RPH3AL: variants seen among roughly 807,000 people sequenced by gnomAD.
The protein encoded by RPH3AL is rab effector Noc2.
RPH3AL carries 38 observed loss-of-function variants against 43.1 expected under a neutral mutation model. The observed-to-expected ratio is 0.88, with a 90% CI of 0.68 to 1.15. RPH3AL has a LOEUF of 1.15. RPH3AL is among the 50% of genes most tolerant of loss of function. The pLI is 0.00. For synonymous variants in RPH3AL, 189 were observed against 176.3 expected, an observed-to-expected ratio of 1.07 and a Z score of -0.57; for missense variants, 462 against 423.2, an observed-to-expected ratio of 1.09 and a Z score of -0.81.
At chr17:305,914 G>T (rs1598057596) in intron 5 of RPH3AL, among the ~76,000 whole-genome samples, 1 of 140,132 alleles carries the variant, frequency 7.1e-6, no homozygotes, top group African/African-American at 2.7e-5. Context: ...GCACAATCTT[G>T]ACTCACTGCA....
intron 1 of RPH3AL, among the ~76,000 whole-genome samples, chr17:351,901 C>T (rs553618198): frequency 5.3e-5 from 8 of 152,290 alleles, no homozygotes; most frequent in Admixed American, 5.2e-4. Context: ...AACCTATATA[C>T]AGGTTGTAAA....
chr17:215,685 C>T lies in RPH3AL; in HGVS notation c.845G>A (p.Gly282Glu). ...CCTTCGGGTCAGCCCGGGGCGGGGT[C>T]CCCCTGGCGGGTCAGCAGAGCCTGT... ...TGTGSADPPG[G>E]PRPGLTRRAP... Residue 282 changes from glycine (G) to glutamate (E), a missense_variant, in exon 9 of 10, where the codon GGA becomes GAA. Transcript: ENST00000331302. The surrounding 1 kb of genome is among the most constrained non-coding windows in gnomAD (Gnocchi z 4.1). 7.8e-7 allele frequency: 1 copy of T among 1,275,550 alleles called. No individual in the cohort carries two copies. The highest frequency in any genetic ancestry group is 1.5e-5 in the African/African-American group (1 of 64,682). The allele number at this position is 1,275,550 out of a possible 1,614,324, so 79.0% of individuals were successfully genotyped here. A position where few individuals can be genotyped will look rare whatever the true frequency, so the allele number is the denominator to read the frequency against.
intron 5 of RPH3AL, among the ~76,000 whole-genome samples, chr17:310,301 G>T (rs77018629): frequency 1.3e-5 from 2 of 152,152 alleles, no homozygotes; most frequent in Admixed American, 6.5e-5. Flanking sequence ...CGGAGGGGAC[G>T]CAGCTCCGAG....
chr17:219,885 G>T, intron 7 of RPH3AL, 149 bp from the exon 8 acceptor site: 1 of 622,450 alleles, frequency 1.6e-6, no homozygotes, highest in Non-Finnish European at 2.9e-6. Flanking sequence ...AAGAAATAAT[G>T]GCCTGGGGAT....
chr17:239,713 A>G (rs2041483549), intron 7 of RPH3AL, among the ~76,000 whole-genome samples: 1 of 152,114 alleles, frequency 6.6e-6, no homozygotes, highest in South Asian at 2.1e-4. Flanking sequence ...TGCCGCTTCA[A>G]GCTCCTGGGC....
intron 5 of RPH3AL, among the ~76,000 whole-genome samples, chr17:315,566 C>G (rs71355222): frequency 2.7e-5 from 4 of 147,206 alleles, no homozygotes; most frequent in African/African-American, 7.3e-5. Context: ...TCCCTGTGCC[C>G]CACCTCCATT....
chr17:293,305 A>T (rs894609283), intron 5 of RPH3AL, among the ~76,000 whole-genome samples: 2 of 152,200 alleles, frequency 1.3e-5, no homozygotes, highest in African/African-American at 4.8e-5. Flanking sequence ...AGGGTTAAAA[A>T]AGGCAACAGC....
intron 5 of RPH3AL, among the ~76,000 whole-genome samples, chr17:285,782 GCCTGCTCC>G (rs1225088470): frequency 6.6e-6 from 1 of 152,138 alleles, no homozygotes; most frequent in Non-Finnish European, 1.5e-5. Flanking sequence ...CCTGCCAACA[GCCTGCTCC>G]CCTGCTCCCC....
intron 5 of RPH3AL, chr17:306,769 G>T: frequency 6.5e-6 from 1 of 153,458 alleles, no homozygotes. Context: ...CGATCCTCAC[G>T]TCTCTCTCCT....
intron 1 of RPH3AL, among the ~76,000 whole-genome samples, chr17:337,646 C>T (rs1290681304): frequency 2.0e-5 from 3 of 152,214 alleles, no homozygotes; most frequent in South Asian, 4.1e-4. Context: ...CTCCTGTCCT[C>T]GGCAGGACCA....
rs1010929130 is a variant in RPH3AL at position 213,442 on chromosome 17, C to T, written c.*410G>A. ...ACCTCTAAGGGGCCACACGCAGCTT[C>T]GGAGGCCGTGCCCTAGGTTTCATTT... On this transcript the variant is annotated 3_prime_UTR_variant, in exon 10 of 10. Transcript: ENST00000331302. 6.2e-5 allele frequency: 17 copies of T among 275,446 alleles called. No individual in the cohort carries two copies. Among genetic ancestry groups the T allele is most frequent in the East Asian group, 4.6e-4 (4 of 8,708 alleles). The allele number at this position is 275,446 out of a possible 1,614,324, so 17.1% of individuals were successfully genotyped here.
At position 350,683 on chromosome 17, in the gene RPH3AL, C is replaced by T. The variant is rs184078023; in HGVS notation, c.-213+2029G>A. Among the ~76,000 whole-genome samples, 33 of 152,298 alleles carry T rather than the reference C, an allele frequency of 2.2e-4. No individual in the cohort carries two copies. In the East Asian group the frequency reaches 4.8e-3, roughly 22 times the overall value. On this transcript the variant is annotated intron_variant, in intron 1 of 9. Transcript: ENST00000331302. The stretch of plus-strand genomic sequence containing the variant: ...CTCACAAAACAAAACAAAACAAACC[C>T]GTTTTTTAAACCAAGCTGGTCCCTG...
chr17:243,645 G>A (rs1445497929), intron 7 of RPH3AL, among the ~76,000 whole-genome samples: 1 of 122,914 alleles, frequency 8.1e-6, no homozygotes, highest in African/African-American at 3.2e-5. Context: ...TTCCTCTATT[G>A]ATTACCCTTC....
chr17:314,134 T>G (rs2043746147), intron 5 of RPH3AL, among the ~76,000 whole-genome samples: 1 of 152,166 alleles, frequency 6.6e-6, no homozygotes, highest in South Asian at 2.1e-4. Flanking sequence ...GTACTAACCG[T>G]TGCACAGCCA....
chr17:304,809 T>G (rs1477432348), intron 5 of RPH3AL, among the ~76,000 whole-genome samples: 1 of 151,140 alleles, frequency 6.6e-6, no homozygotes, highest in African/African-American at 2.4e-5. Context: ...CATAAAACCA[T>G]TTTTAAACCA....
At chr17:321,053 C>T (rs1370576630) in intron 4 of RPH3AL, among the ~76,000 whole-genome samples, 3 of 152,200 alleles carry the variant, frequency 2.0e-5, no homozygotes, top group Non-Finnish European at 2.9e-5. Flanking sequence ...CTAGCAGCCC[C>T]GTCTCACAGA....
chr17:214,084 C>G (rs1206395542), intron 9 of RPH3AL, among the ~76,000 whole-genome samples, 161 bp from the exon 10 acceptor site: 1 of 152,212 alleles, frequency 6.6e-6, no homozygotes, highest in African/African-American at 2.4e-5. Context: ...ACCAGCACCG[C>G]TCTGCTCTGC....
intron 1 of RPH3AL, among the ~76,000 whole-genome samples, chr17:335,484 G>A (rs939134257): frequency 6.6e-6 from 1 of 152,108 alleles, no homozygotes; most frequent in Non-Finnish European, 1.5e-5. Flanking sequence ...GCCAAGAGTG[G>A]CAGAACCGCC....
intron 5 of RPH3AL, among the ~76,000 whole-genome samples, chr17:302,645 C>T (rs534440072): frequency 2.6e-5 from 4 of 152,164 alleles, no homozygotes; most frequent in Non-Finnish European, 5.9e-5. Context: ...CCCGGCCCTC[C>T]CGGCTGCCAC....
Sources: gnomAD v4.1 joint callset for allele counts (sites outside exome capture counted in the v4.1 genomes callset) on GRCh38, gnomAD v4.1.1 for gene constraint, Gnocchi (gnomAD v3.1) non-coding constraint, MANE v1.5 for transcripts, NCBI Gene and HGNC (gene_info 2026-07-23, HGNC 2026-07-21) for gene names.